Variants in SCML4 observed in about 807,000 individuals in gnomAD.
SCML4 encodes the protein Scm polycomb group protein like 4.
A neutral mutation model predicts 41.1 loss-of-function variants in SCML4; 34 were observed. The ratio of observed to expected loss-of-function variants is 0.83; its 90% confidence interval spans 0.63 to 1.10. The LOEUF (loss-of-function observed/expected upper bound fraction) is 1.10. Ranked by LOEUF, SCML4 falls within the 50% of genes least tolerant of loss-of-function variation. The probability of loss-of-function intolerance (pLI) is 0.00; values close to 1 mark genes in which losing one functional copy is unlikely to be tolerated. For synonymous variants in SCML4, 214 were observed against 220.9 expected, an observed-to-expected ratio of 0.97 and a Z score of 0.28; for missense variants, 522 against 534.1, an observed-to-expected ratio of 0.98 and a Z score of 0.22.
chr6:107,766,182 C>T (rs371172048), intron 2 of SCML4, among the ~76,000 whole-genome samples: 1 of 151,998 alleles, frequency 6.6e-6, no homozygotes, highest in Admixed American at 6.5e-5. Flanking sequence ...CCAGGCTGGT[C>T]AACATGGTGA....
chr6:107,814,596 A>G (rs776896577), intron 1 of SCML4, among the ~76,000 whole-genome samples: 1 of 152,226 alleles, frequency 6.6e-6, no homozygotes, highest in African/African-American at 2.4e-5. Flanking sequence ...TCTGTCACCC[A>G]GGCTGGAGTG....
At chr6:107,831,099 A>G in the SCML4 span, among the ~76,000 whole-genome samples, 1 of 152,186 alleles carries the variant, frequency 6.6e-6, no homozygotes, top group Non-Finnish European at 1.5e-5. Context: ...AGCTGAAAAC[A>G]GTTACTGTTT....
intron 1 of SCML4, among the ~76,000 whole-genome samples, chr6:107,773,565 C>G (rs1033878178): frequency 7.7e-6 from 1 of 129,090 alleles, no homozygotes; most frequent in Non-Finnish European, 1.5e-5. Flanking sequence ...ACATACAAGC[C>G]TGGGTGACAG....
At chr6:107,829,950 C>T in the SCML4 span, among the ~76,000 whole-genome samples, 10 of 152,322 alleles carry the variant, frequency 6.6e-5, no homozygotes, top group East Asian at 1.7e-3. Context: ...CTATAGGTTA[C>T]ATTCAGCCCC....
upstream of SCML4, among the ~76,000 whole-genome samples, chr6:107,828,358 C>CT (rs1771688907): frequency 6.6e-6 from 1 of 152,192 alleles, no homozygotes; most frequent in Non-Finnish European, 1.5e-5. Flanking sequence ...ACTTATGGCT[C>CT]TGACATTTCA....
chr6:107,789,541 A>C (rs1266244425), intron 1 of SCML4, among the ~76,000 whole-genome samples: 1 of 152,192 alleles, frequency 6.6e-6, no homozygotes, highest in African/African-American at 2.4e-5. Flanking sequence ...CCCAGAATCG[A>C]GGAGCCTAGG....
intron 2 of SCML4, chr6:107,755,459 G>T: frequency 4.0e-6 from 1 of 248,252 alleles, no homozygotes; most frequent in Non-Finnish European, 8.0e-6. Flanking sequence ...GTGTAGAAAA[G>T]GGAGTCACCC....
chr6:107,772,026 G>T, intron 2 of SCML4, 146 bp downstream of exon 2: 1 of 654,606 alleles, frequency 1.5e-6, no homozygotes. Context: ...GACCTCATCC[G>T]TCACATACTT....
chr6:107,715,925 T>C (rs1774737146), intron 6 of SCML4, among the ~76,000 whole-genome samples: 1 of 152,014 alleles, frequency 6.6e-6, no homozygotes, highest in African/African-American at 2.4e-5. Flanking sequence ...AGAGGTATGG[T>C]TTTTTTGATG....
chr6:107,769,310 C>T (rs547333289), intron 2 of SCML4, among the ~76,000 whole-genome samples: 1 of 152,338 alleles, frequency 6.6e-6, no homozygotes, highest in Admixed American at 6.5e-5. Flanking sequence ...GACCTATGAA[C>T]TCTAGAGCAT....
intron 5 of SCML4, among the ~76,000 whole-genome samples, chr6:107,726,900 A>C (rs989813351): frequency 6.6e-6 from 1 of 152,260 alleles, no homozygotes; most frequent in African/African-American, 2.4e-5. Flanking sequence ...TTATACTCCT[A>C]GGTATGTACT....
intron 1 of SCML4, among the ~76,000 whole-genome samples, chr6:107,803,038 A>G (rs1415137569): frequency 6.6e-6 from 1 of 151,396 alleles, no homozygotes; most frequent in Non-Finnish European, 1.5e-5. Flanking sequence ...AGTCGCGTTC[A>G]CTCAGTGCTC....
intron 2 of SCML4, among the ~76,000 whole-genome samples, chr6:107,763,669 G>C (rs955465470): frequency 2.6e-5 from 4 of 152,194 alleles, no homozygotes; most frequent in African/African-American, 7.2e-5. Context: ...CTACAGGTGT[G>C]AGCCACTGCG....
intron 3 of SCML4, among the ~76,000 whole-genome samples, chr6:107,748,944 C>T (rs917790592): frequency 6.6e-6 from 1 of 152,160 alleles, no homozygotes; most frequent in African/African-American, 2.4e-5. Context: ...GACCCCATGA[C>T]CAGTCCTGGG....
chr6:107,845,461 A>G, the SCML4 span, among the ~76,000 whole-genome samples: 1 of 152,192 alleles, frequency 6.6e-6, no homozygotes, highest in Non-Finnish European at 1.5e-5. Flanking sequence ...CAGCTACTGG[A>G]AAGGTGACGG....
intron 2 of SCML4, among the ~76,000 whole-genome samples, chr6:107,754,323 T>C (rs1288799584): frequency 6.6e-6 from 1 of 152,210 alleles, no homozygotes; most frequent in African/African-American, 2.4e-5. Context: ...GAAACCTCAG[T>C]CATGGGAATG....
intron 1 of SCML4, among the ~76,000 whole-genome samples, chr6:107,788,751 G>A (rs369065825): frequency 5.3e-5 from 8 of 152,074 alleles, no homozygotes; most frequent in Non-Finnish European, 8.8e-5. Flanking sequence ...TGACACTGTC[G>A]CCATCATTGT....
At chr6:107,751,646 C>CTTTCTTTCTT (rs1425350341) in intron 2 of SCML4, among the ~76,000 whole-genome samples, 1 of 103,648 alleles carries the variant, frequency 9.6e-6, no homozygotes, top group Non-Finnish European at 2.0e-5. Flanking sequence ...TTCTTTCTTT[C>CTTTCTTTCTT]TTTTTTGAGA....
intron 1 of SCML4, among the ~76,000 whole-genome samples, chr6:107,812,715 C>T (rs1255429928): frequency 1.3e-5 from 2 of 152,174 alleles, no homozygotes; most frequent in South Asian, 2.1e-4. Context: ...TAGACTCAAA[C>T]TAAAACATGA....
Sources: gnomAD v4.1 joint callset for allele counts (sites outside exome capture counted in the v4.1 genomes callset) on GRCh38, gnomAD v4.1.1 for gene constraint, MANE v1.5 for transcripts, NCBI Gene and HGNC (gene_info 2026-07-23, HGNC 2026-07-21) for gene names.